UGGT2: variants seen among roughly 807,000 people sequenced by gnomAD.
The protein encoded by UGGT2 is UDP-glucose glycoprotein glucosyltransferase 2, also known as UDP-glucose:glycoprotein glucosyltransferase 2.
UGGT2 carries 180 observed loss-of-function variants against 192.1 expected under a neutral mutation model. The ratio of observed to expected loss-of-function variants is 0.94; its 90% CI spans 0.83 to 1.06. The LOEUF is 1.06. Among genes scored for constraint, UGGT2 ranks in the 50% least tolerant of loss-of-function variants. The probability of loss-of-function intolerance (pLI) is 0.00; values close to 1 mark genes in which losing one functional copy is unlikely to be tolerated. For missense variants in UGGT2, 1,849 were observed against 1,795.7 expected (o/e 1.03, Z -0.54); for synonymous variants, 580 against 591.0 (o/e 0.98, Z 0.27).
At chr13:95,830,236 TA>T (rs1178651206) in intron 38 of UGGT2, among the ~76,000 whole-genome samples, 1 of 152,116 alleles carries the variant, frequency 6.6e-6, no homozygotes, top group East Asian at 1.9e-4. Flanking sequence ...ACTTCATGAC[TA>T]AAACACCAAA....
At chr13:95,970,990 T>C (rs577628863) in intron 11 of UGGT2, among the ~76,000 whole-genome samples, 6 of 152,322 alleles carry the variant, frequency 3.9e-5, no homozygotes, top group African/African-American at 7.2e-5. Context: ...ATGTTCTTAC[T>C]GTCTCAGTCT....
At chr13:95,881,263 G>C (rs181935427) in intron 27 of UGGT2, among the ~76,000 whole-genome samples, 6 of 152,152 alleles carry the variant, frequency 3.9e-5, no homozygotes, top group Admixed American at 1.3e-4. Context: ...GTGGGTGGGG[G>C]TATCTTAGAA....
intron 33 of UGGT2, among the ~76,000 whole-genome samples, chr13:95,858,991 G>A (rs147499945): frequency 6.6e-6 from 1 of 152,174 alleles, no homozygotes; most frequent in African/African-American, 2.4e-5. Flanking sequence ...AAATTGCTGC[G>A]GAGACACTAA....
chr13:95,908,024 C>A (rs1386694757), intron 20 of UGGT2, among the ~76,000 whole-genome samples: 1 of 152,072 alleles, frequency 6.6e-6, no homozygotes, highest in Non-Finnish European at 1.5e-5. Context: ...AAATGGCTAA[C>A]CATAATAAAC....
chr13:95,973,912 C>T (rs562947130), intron 10 of UGGT2, among the ~76,000 whole-genome samples: 1 of 152,266 alleles, frequency 6.6e-6, no homozygotes, highest in African/African-American at 2.4e-5. Flanking sequence ...CTATAAAGTG[C>T]TCACAAATGA....
chr13:95,940,242 A>T (rs1174926140), intron 15 of UGGT2, 151 bp from the exon 16 acceptor site: 4 of 487,392 alleles, frequency 8.2e-6, no homozygotes, highest in Non-Finnish European at 1.3e-5. Context: ...TTTTAACCAT[A>T]TATCATCTTT....
intron 36 of UGGT2, among the ~76,000 whole-genome samples, chr13:95,842,425 TGAG>T (rs1887964539): frequency 6.6e-6 from 1 of 152,230 alleles, no homozygotes; most frequent in African/African-American, 2.4e-5. Context: ...TTTTTACTAT[TGAG>T]TAGTATTACA....
chr13:96,050,489 T>C (rs1458343736), intron 1 of UGGT2, among the ~76,000 whole-genome samples: 2 of 152,158 alleles, frequency 1.3e-5, no homozygotes, highest in East Asian at 1.9e-4. Flanking sequence ...TGGGATCTAA[T>C]TAAAGTAAAG....
intron 15 of UGGT2, among the ~76,000 whole-genome samples, chr13:95,945,961 AAGAGTCATTCCTTG>A (rs2049851912): frequency 6.6e-6 from 1 of 152,186 alleles, no homozygotes; most frequent in Non-Finnish European, 1.5e-5. Flanking sequence ...CAGTTGGAAG[AAGAGTCATTCCTTG>A]ATATAATATT....
chr13:95,918,249 T>C (rs955723962), intron 20 of UGGT2, among the ~76,000 whole-genome samples: 2 of 152,104 alleles, frequency 1.3e-5, no homozygotes, highest in Non-Finnish European at 2.9e-5. Context: ...CACAACTACA[T>C]GAAAATTGAA....
intron 37 of UGGT2, among the ~76,000 whole-genome samples, chr13:95,833,658 G>A (rs1437383421): frequency 1.3e-5 from 2 of 152,162 alleles, no homozygotes; most frequent in Non-Finnish European, 2.9e-5. Context: ...GTTGATAAGA[G>A]TCTGACACAC....
At chr13:95,907,418 T>C (rs1237536615) in intron 20 of UGGT2, among the ~76,000 whole-genome samples, 1 of 150,612 alleles carries the variant, frequency 6.6e-6, no homozygotes, top group Non-Finnish European at 1.5e-5. Flanking sequence ...TCTCCAAGCA[T>C]GGTGTTTGAG....
rs145424874 is a variant in UGGT2 at position 95,972,588 on chromosome 13, G to A, written c.1176C>T (p.Asp392=). The A allele has an allele frequency of 1.3e-4, 204 of 1,610,872 alleles. No homozygotes were observed. Among genetic ancestry groups the A allele is most frequent in the Non-Finnish European group, 1.6e-4 (186 of 1,177,944 alleles). The stretch of plus-strand genomic sequence containing the variant: ...AATAATTTAATACTTACCTAAAAGC[G>A]TCATAAACATCCATATCAACACGAA... The part of the protein sequence containing the change: ...NGLRVDMDVY[D]AFSILDMLKL... Residue 392 remains aspartate (D), a synonymous_variant, in exon 11 of 39, where the codon GAC becomes GAT. Coordinates refer to ENST00000376747, the MANE Select transcript of UGGT2 (RefSeq NM_020121.4).
intron 20 of UGGT2, among the ~76,000 whole-genome samples, chr13:95,923,025 G>T (rs1004986718): frequency 6.6e-6 from 1 of 152,030 alleles, no homozygotes; most frequent in Non-Finnish European, 1.5e-5. Flanking sequence ...GTCTAAAAAT[G>T]TTAACAACCC....
intron 15 of UGGT2, 62 bp downstream of exon 15, chr13:95,946,972 AATC>A: frequency 7.1e-7 from 1 of 1,413,846 alleles, no homozygotes; most frequent in Non-Finnish European, 9.4e-7. Context: ...ATTCTAAAGA[AATC>A]ATAATATAGT....
intron 5 of UGGT2, 40 bp downstream of exon 5, chr13:96,013,267 T>C: frequency 6.6e-7 from 1 of 1,520,068 alleles, no homozygotes; most frequent in South Asian, 1.3e-5. Flanking sequence ...ATTGTTTTTT[T>C]CTACAGCCAA....
intron 12 of UGGT2, among the ~76,000 whole-genome samples, chr13:95,960,724 T>G (rs2050363104): frequency 6.6e-6 from 1 of 152,228 alleles, no homozygotes; most frequent in East Asian, 1.9e-4. Context: ...TTCCAAAAGG[T>G]TTTGCCCATG....
At position 95,805,717 on chromosome 13, in the gene UGGT2, G is replaced by T. The variant is rs562352218; in HGVS notation, c.4529-3905C>A. Among the ~76,000 whole-genome samples, 7 of 152,130 alleles carry T rather than the reference G, an allele frequency of 4.6e-5. No homozygotes were observed. In the South Asian group the frequency reaches 1.2e-3, roughly 27 times the overall value. The stretch of plus-strand genomic sequence containing the variant: ...TACTATATTATCCCACTTATATAAA[G>T]TATCTAGAGTAGTCAAATTCACAGA... On this transcript the variant is annotated intron_variant, in intron 38 of 38. Coordinates refer to ENST00000376747, the MANE Select transcript of UGGT2 (RefSeq NM_020121.4).
chr13:96,049,014 G>A lies in UGGT2; in HGVS notation c.158+4141C>T, dbSNP rs569595848. On this transcript the variant is annotated intron_variant, in intron 1 of 38. Coordinates refer to ENST00000376747, the MANE Select transcript of UGGT2 (RefSeq NM_020121.4). ...AGCATCATCCTGATACCAAAGCCTG[G>A]CAGAGACACAACAAAAAAAGAGAAT... Among the ~76,000 whole-genome samples, 204 of 152,228 alleles carry A rather than the reference G, an allele frequency of 1.3e-3. 2 individuals are homozygous for A. Among genetic ancestry groups the A allele is most frequent in the Non-Finnish European group, 2.5e-3 (173 of 68,014 alleles).
Sources: allele counts gnomAD v4.1 joint callset (sites outside exome capture counted in the v4.1 genomes callset), GRCh38; gene constraint gnomAD v4.1.1; transcripts MANE v1.5; gene names NCBI Gene and HGNC (gene_info 2026-07-23, HGNC 2026-07-21).